The following LRMDA variants were observed in gnomAD, a reference collection of about 807,000 sequenced individuals.
The protein encoded by LRMDA is leucine-rich melanocyte differentiation-associated protein.
In LRMDA, 18 loss-of-function variants were observed where a neutral mutation model predicts 29.8. The observed-to-expected ratio is 0.60, with a 90% CI of 0.42 to 0.90. The LOEUF (loss-of-function observed/expected upper bound fraction) is 0.90. Ranked by LOEUF, LRMDA falls within the 40% of genes least tolerant of loss-of-function variation. LRMDA has a pLI of 0.00. For synonymous variants in LRMDA, 125 were observed against 109.4 expected (o/e 1.14, Z -0.89); for missense variants, 273 against 273.9 (o/e 1.00, Z 0.02).
At chr10:75,853,788 A>T (rs894304452) in intron 2 of LRMDA, among the ~76,000 whole-genome samples, 17 of 152,210 alleles carry the variant, frequency 1.1e-4, no homozygotes, top group Non-Finnish European at 2.2e-4. Context: ...ATGAGAGGAC[A>T]TCTTAATCCT....
At chr10:76,479,343 C>T (rs1183864236) in intron 6 of LRMDA, among the ~76,000 whole-genome samples, 1 of 151,882 alleles carries the variant, frequency 6.6e-6, no homozygotes, top group African/African-American at 2.4e-5. Context: ...AAGAGGGCTC[C>T]TCTCACAAAG....
At chr10:76,534,601 T>A (rs57544615) in intron 6 of LRMDA, among the ~76,000 whole-genome samples, 1 of 152,210 alleles carries the variant, frequency 6.6e-6, no homozygotes, top group Non-Finnish European at 1.5e-5. Flanking sequence ...TTACAGCAGC[T>A]TGTATAATCC....
intron 5 of LRMDA, among the ~76,000 whole-genome samples, chr10:76,087,873 G>A (rs1232104127): frequency 6.6e-6 from 1 of 152,198 alleles, no homozygotes; most frequent in African/African-American, 2.4e-5. Flanking sequence ...TGTTATACCA[G>A]CACTTTGGGA....
At chr10:76,211,990 C>G (rs1206248388) in intron 5 of LRMDA, among the ~76,000 whole-genome samples, 1 of 152,168 alleles carries the variant, frequency 6.6e-6, no homozygotes, top group East Asian at 1.9e-4. Flanking sequence ...CTACATCCTA[C>G]AAGTCACCAA....
chr10:76,525,514 G>C (rs1011847392), intron 6 of LRMDA, among the ~76,000 whole-genome samples: 4 of 152,110 alleles, frequency 2.6e-5, no homozygotes, highest in African/African-American at 9.7e-5. Context: ...TCCACAGTAG[G>C]GGGTAGGAGG....
chr10:75,727,528 T>G (rs1842644891), intron 2 of LRMDA, among the ~76,000 whole-genome samples: 1 of 152,356 alleles, frequency 6.6e-6, no homozygotes, highest in Non-Finnish European at 1.5e-5. Flanking sequence ...TATCGCTTGC[T>G]TTTATTTTCT....
intron 6 of LRMDA, among the ~76,000 whole-genome samples, chr10:76,468,136 G>T (rs1842582265): frequency 7.8e-6 from 1 of 128,022 alleles, no homozygotes. Flanking sequence ...GTAGACTGTA[G>T]CTATGCCCAG....
rs994237426 is a variant in LRMDA at position 75,865,973 on chromosome 10, C to T, written c.132-170035C>T. Among the ~76,000 whole-genome samples, 4 of 152,300 alleles carry T rather than the reference C, an allele frequency of 2.6e-5. No individual in the cohort carries two copies. In the South Asian group the frequency reaches 8.3e-4, roughly 32 times the overall value. On this transcript the variant is annotated intron_variant, in intron 2 of 6. Coordinates refer to ENST00000611255, the MANE Select transcript of LRMDA (RefSeq NM_001305581.2). ...GGGTGTTTTTGGACTTTTAAATTTACGTCTAGTAGCTCTTTTTCATTTAGT... is the reference window on the plus strand; with the variant it reads ...GGGTGTTTTTGGACTTTTAAATTTATGTCTAGTAGCTCTTTTTCATTTAGT...
chr10:76,210,302 G>A (rs928959059), intron 5 of LRMDA, among the ~76,000 whole-genome samples: 3 of 152,290 alleles, frequency 2.0e-5, no homozygotes, highest in African/African-American at 7.2e-5. Context: ...CAGTCCTCGA[G>A]CTAAATAATG....
At chr10:75,780,015 G>A (rs1017701587) in intron 2 of LRMDA, among the ~76,000 whole-genome samples, 2 of 152,132 alleles carry the variant, frequency 1.3e-5, no homozygotes, top group African/African-American at 4.8e-5. Flanking sequence ...GACACACAGA[G>A]GGAAGAAGGC....
At chr10:75,713,150 C>G (rs1198224737) in intron 2 of LRMDA, among the ~76,000 whole-genome samples, 1 of 152,182 alleles carries the variant, frequency 6.6e-6, no homozygotes, top group Non-Finnish European at 1.5e-5. Context: ...AATATTTAAT[C>G]TGTAACATTT....
At chr10:76,531,818 C>T (rs777897107) in intron 6 of LRMDA, among the ~76,000 whole-genome samples, 7 of 151,966 alleles carry the variant, frequency 4.6e-5, no homozygotes, top group Non-Finnish European at 1.0e-4. Context: ...GTATTCCTAC[C>T]CCTTCAATTT....
chr10:76,103,755 A>C (rs1849434080), intron 5 of LRMDA, among the ~76,000 whole-genome samples: 1 of 152,206 alleles, frequency 6.6e-6, no homozygotes, highest in South Asian at 2.1e-4. Context: ...ATCTGCCCTT[A>C]GGTTAAAAAT....
At chr10:75,705,753 C>T (rs1028316770) in intron 2 of LRMDA, among the ~76,000 whole-genome samples, 1 of 152,228 alleles carries the variant, frequency 6.6e-6, no homozygotes, top group Admixed American at 6.5e-5. Context: ...CCTCATCCCA[C>T]AAAGCGTCCC....
At chr10:76,016,790 A>T (rs11001582) in intron 2 of LRMDA, among the ~76,000 whole-genome samples, 49,591 of 152,048 alleles carry the variant, frequency 0.33, 9,465 homozygotes, top group Non-Finnish European at 0.43. Context: ...GAATAAAAAT[A>T]AATGGGTTTA....
chr10:76,126,255 C>G (rs1032378653), intron 5 of LRMDA, among the ~76,000 whole-genome samples: 6 of 152,220 alleles, frequency 3.9e-5, no homozygotes, highest in African/African-American at 1.4e-4. Context: ...TCTGCTTTCT[C>G]TCTCCTTCCC....
At chr10:75,518,168 G>T (rs757044584) in intron 2 of LRMDA, among the ~76,000 whole-genome samples, 5 of 152,018 alleles carry the variant, frequency 3.3e-5, no homozygotes, top group East Asian at 1.9e-4. Context: ...TCTCTTTTTT[G>T]TGTGTGTATC....
chr10:76,040,635 G>C (rs963157523), intron 3 of LRMDA, among the ~76,000 whole-genome samples: 1 of 152,080 alleles, frequency 6.6e-6, no homozygotes, highest in African/African-American at 2.4e-5. Context: ...TCTTCCACCA[G>C]GAGGGGTGGG....
chr10:76,375,800 T>C (rs1178079892), intron 6 of LRMDA, among the ~76,000 whole-genome samples: 1 of 151,680 alleles, frequency 6.6e-6, no homozygotes, highest in Non-Finnish European at 1.5e-5. Flanking sequence ...GTGGGCTTGA[T>C]AAAGAGCATA....
Sources: allele counts gnomAD v4.1 joint callset (sites outside exome capture counted in the v4.1 genomes callset), GRCh38; gene constraint gnomAD v4.1.1; transcripts MANE v1.5; gene names NCBI Gene and HGNC (gene_info 2026-07-23, HGNC 2026-07-21).